Variants in CFAP54 observed in about 807,000 individuals in gnomAD.
CFAP54 encodes the protein cilia- and flagella-associated protein 54.
In CFAP54, 290 loss-of-function variants were observed where a neutral mutation model predicts 370.4. That is an observed-to-expected ratio of 0.78 (90% CI 0.71 to 0.86). The LOEUF (loss-of-function observed/expected upper bound fraction) is 0.86. Among genes scored for constraint, CFAP54 ranks in the 40% least tolerant of loss-of-function variants. The pLI, the probability that CFAP54 is intolerant of heterozygous loss-of-function variation, is 0.00. For missense variants in CFAP54, 3,399 were observed against 3,528.7 expected (o/e 0.96, Z 0.93); for synonymous variants, 1,206 against 1,236.5 (o/e 0.98, Z 0.52).
intron 65 of CFAP54, among the ~76,000 whole-genome samples, chr12:96,825,536 C>G (rs919688232): frequency 1.5e-3 from 161 of 106,352 alleles, no homozygotes; most frequent in Non-Finnish European, 2.5e-3. Flanking sequence ...ATATTATTTA[C>G]TATATATTAT....
chr12:96,616,077 G>A lies in CFAP54; in HGVS notation c.3640-5513G>A, dbSNP rs577909106. Among the ~76,000 whole-genome samples, 328 of 152,244 alleles carry A rather than the reference G, an allele frequency of 2.2e-3. 1 individual carries two copies. The highest frequency in any genetic ancestry group is 7.2e-3 in the African/African-American group (301 of 41,528). On this transcript the variant is annotated intron_variant, in intron 26 of 67. Coordinates refer to ENST00000524981, the MANE Select transcript of CFAP54 (RefSeq NM_001306084.2). ...ACACATGCACACATATGTTTATTGC[G>A]GCACTATTCACAATAGCAAAGACTT...
At chr12:96,697,372 G>A (rs535309930) in intron 45 of CFAP54, among the ~76,000 whole-genome samples, 3 of 152,240 alleles carry the variant, frequency 2.0e-5, no homozygotes, top group African/African-American at 7.2e-5. Context: ...CTAGAAACCT[G>A]AAAGAGTTTA....
chr12:96,870,780 T>C (rs184496629), intron 67 of CFAP54, among the ~76,000 whole-genome samples: 29 of 152,214 alleles, frequency 1.9e-4, no homozygotes, highest in Admixed American at 1.9e-3. Flanking sequence ...TTTTGAACTC[T>C]GGATCAAAAA....
At chr12:96,647,773 G>C in intron 33 of CFAP54, 102 bp from the exon 34 acceptor site, 1 of 1,016,610 alleles carries the variant, frequency 9.8e-7, no homozygotes, top group Non-Finnish European at 1.4e-6. Flanking sequence ...TAAAATTTGG[G>C]AGTACTCACA....
intron 60 of CFAP54, among the ~76,000 whole-genome samples, chr12:96,774,145 C>G (rs753027589): frequency 6.6e-6 from 1 of 151,598 alleles, no homozygotes; most frequent in Non-Finnish European, 1.5e-5. Flanking sequence ...TAATCTTTCC[C>G]GATTAAAAAA....
chr12:96,536,626 C>CTT (rs10638883), intron 12 of CFAP54, among the ~76,000 whole-genome samples: 81 of 138,154 alleles, frequency 5.9e-4, no homozygotes, highest in Middle Eastern at 7.4e-3. Context: ...TTTTCTTTTT[C>CTT]TTTTTTTTTT....
At chr12:96,707,970 T>C (rs780817922) in intron 47 of CFAP54, among the ~76,000 whole-genome samples, 3 of 152,184 alleles carry the variant, frequency 2.0e-5, no homozygotes, top group Admixed American at 1.3e-4. Context: ...CCAGGCAGCA[T>C]TGAGGTTTGG....
intron 6 of CFAP54, among the ~76,000 whole-genome samples, chr12:96,520,356 C>T (rs377075419): frequency 7.2e-4 from 109 of 152,086 alleles, no homozygotes; most frequent in African/African-American, 2.6e-3. Flanking sequence ...CCAGCTTGAC[C>T]AACATGGTGA....
intron 42 of CFAP54, among the ~76,000 whole-genome samples, chr12:96,687,252 C>T (rs1957339942): frequency 1.3e-5 from 2 of 152,192 alleles, no homozygotes; most frequent in Non-Finnish European, 2.9e-5. Context: ...AATTTAATCA[C>T]ATCTGCGAAG....
intron 22 of CFAP54, among the ~76,000 whole-genome samples, chr12:96,583,943 C>A (rs949755142): frequency 6.6e-6 from 1 of 152,136 alleles, no homozygotes; most frequent in Non-Finnish European, 1.5e-5. Flanking sequence ...TTTTTATTCT[C>A]TCCCTGTGTT....
intron 34 of CFAP54, among the ~76,000 whole-genome samples, chr12:96,649,276 A>G (rs142535940): frequency 6.6e-6 from 1 of 152,250 alleles, no homozygotes; most frequent in East Asian, 1.9e-4. Flanking sequence ...ATAGCCATAG[A>G]GTCTGGTTTT....
chr12:96,669,949 A>G lies in CFAP54; in HGVS notation c.5563+6017A>G, dbSNP rs567721335. Among the ~76,000 whole-genome samples the G allele has an allele frequency of 3.3e-5, 5 of 152,292 alleles. No individual in the cohort carries two copies. The East Asian group carries it at 9.7e-4, about 29-fold the overall frequency. On this transcript the variant is annotated intron_variant, in intron 39 of 67. Transcript: ENST00000524981. The stretch of plus-strand genomic sequence containing the variant: ...GCACCAACATTTAGGAAGCTGCGTC[A>G]GTCAAAATAGGCTTCAGCTATACAG...
intron 34 of CFAP54, 29 bp from the exon 35 acceptor site, chr12:96,649,862 T>A (rs1956837912): frequency 6.9e-7 from 1 of 1,453,568 alleles, no homozygotes; most frequent in Non-Finnish European, 9.4e-7. Flanking sequence ...ATGTTTTTAA[T>A]CATGTCATAT....
chr12:96,605,267 TAA>T (rs1308652445), intron 26 of CFAP54, among the ~76,000 whole-genome samples: 4 of 152,242 alleles, frequency 2.6e-5, no homozygotes, highest in African/African-American at 9.6e-5. Flanking sequence ...AGGCAGACTT[TAA>T]GTATCTTAAC....
intron 28 of CFAP54, among the ~76,000 whole-genome samples, chr12:96,625,444 G>GA (rs1478840989): frequency 6.6e-6 from 1 of 152,090 alleles, no homozygotes; most frequent in Non-Finnish European, 1.5e-5. Context: ...GACAGCTGTT[G>GA]AAAAAAAGAG....
At chr12:96,598,298 C>T (rs1007615851) in intron 25 of CFAP54, among the ~76,000 whole-genome samples, 2 of 152,006 alleles carry the variant, frequency 1.3e-5, no homozygotes, top group Non-Finnish European at 1.5e-5. Flanking sequence ...TTTGGTTTTT[C>T]AAGTTCCTTC....
intron 17 of CFAP54, among the ~76,000 whole-genome samples, chr12:96,557,512 A>G (rs1349267510): frequency 6.6e-6 from 1 of 152,208 alleles, no homozygotes; most frequent in Non-Finnish European, 1.5e-5. Context: ...AGTGTTCATA[A>G]TAGCAAAAAA....
intron 60 of CFAP54, among the ~76,000 whole-genome samples, chr12:96,783,530 T>C (rs1592759074): frequency 6.6e-6 from 1 of 152,338 alleles, no homozygotes; most frequent in African/African-American, 2.4e-5. Flanking sequence ...CTGGAACCTG[T>C]TTGTTAACTC....
rs1232217619 is a variant in CFAP54 at position 96,507,059 on chromosome 12, G to A, written c.699G>A (p.Val233=). 3.3e-6 allele frequency: 5 copies of A among 1,534,238 alleles called. No homozygotes were observed. The African/African-American group carries it at 6.9e-5, about 21-fold the overall frequency. ...CCTCCTTAAGGCTCATCATGCAAGT[G>A]GCTCTGCCACAAGAGCATCTTTGCT... ...ILSSLRLIMQ[V]ALPQEHLCWI... The change falls in exon 4 of 68, where the codon GTG becomes GTA. Residue 233 remains valine (V), a synonymous_variant. Transcript: ENST00000524981.
Sources: allele counts gnomAD v4.1 joint callset (sites outside exome capture counted in the v4.1 genomes callset), GRCh38; gene constraint gnomAD v4.1.1; transcripts MANE v1.5; gene names NCBI Gene and HGNC (gene_info 2026-07-23, HGNC 2026-07-21).